CREB5: variants seen among roughly 807,000 people sequenced by gnomAD.
CREB5 encodes the protein cyclic AMP-responsive element-binding protein 5.
Under a neutral mutation model 57.1 loss-of-function variants are expected in CREB5, and 19 were observed. The ratio of observed to expected loss-of-function variants is 0.33; its 90% CI spans 0.23 to 0.49. CREB5 has a LOEUF of 0.49. CREB5 is among the 20% of genes least tolerant of loss of function. The pLI, the probability that CREB5 is intolerant of heterozygous loss-of-function variation, is 0.99. For missense variants in CREB5, 579 were observed against 671.6 expected, an observed-to-expected ratio of 0.86 and a Z score of 1.52; for synonymous variants, 238 against 238.3, an observed-to-expected ratio of 1.00 and a Z score of 0.01.
At chr7:28,338,286 C>G (rs1000220344) in intron 1 of CREB5, among the ~76,000 whole-genome samples, 1 of 152,076 alleles carries the variant, frequency 6.6e-6, no homozygotes, top group Non-Finnish European at 1.5e-5. Context: ...CTCCCTTTAG[C>G]GTTTCTTGTA....
intron 5 of CREB5, among the ~76,000 whole-genome samples, chr7:28,705,485 A>G (rs1433952390): frequency 1.3e-5 from 2 of 152,072 alleles, no homozygotes; most frequent in African/African-American, 4.8e-5. Context: ...CATGTTCTTT[A>G]AGTGTACTGT....
At chr7:28,387,983 G>A (rs1346834707) in intron 1 of CREB5, among the ~76,000 whole-genome samples, 1 of 152,110 alleles carries the variant, frequency 6.6e-6, no homozygotes. Flanking sequence ...TTCAGCTGTT[G>A]TTTTTGCTGA....
At chr7:28,386,005 C>A (rs1352753141) in intron 1 of CREB5, among the ~76,000 whole-genome samples, 1 of 152,174 alleles carries the variant, frequency 6.6e-6, no homozygotes, top group African/African-American at 2.4e-5. Flanking sequence ...CCAGTCTAAT[C>A]ACTTTCCTCC....
intron 2 of CREB5, among the ~76,000 whole-genome samples, chr7:28,489,321 A>G (rs1791701057): frequency 1.3e-5 from 1 of 74,896 alleles, no homozygotes; most frequent in Non-Finnish European, 2.3e-5. Flanking sequence ...TTTTTTTGAG[A>G]CGGAGTCTCG....
At position 28,600,087 on chromosome 7, in the gene CREB5, C is replaced by T. The variant is rs908135493; in HGVS notation, c.464+29550C>T. Among the ~76,000 whole-genome samples the T allele has an allele frequency of 7.2e-5, 11 of 152,146 alleles. No homozygotes were observed. The East Asian group carries it at 7.7e-4, about 11-fold the overall frequency. ...ATTGTGGGGATTCCTGCTTCCCCAC[C>T]GCCTTTCTTCCCACCTTCAATTCAG... is the stretch of plus-strand genomic sequence containing the variant. On this transcript the variant is annotated intron_variant, in intron 5 of 10. Transcript: ENST00000357727.
At chr7:28,452,559 C>A (rs1789875195) in intron 1 of CREB5, among the ~76,000 whole-genome samples, 1 of 152,140 alleles carries the variant, frequency 6.6e-6, no homozygotes, top group African/African-American at 2.4e-5. Flanking sequence ...ATTAGGGGAT[C>A]CAGCTGAGGA....
chr7:28,566,060 T>A (rs1795460125), intron 4 of CREB5, among the ~76,000 whole-genome samples: 3 of 152,228 alleles, frequency 2.0e-5, no homozygotes, highest in Non-Finnish European at 4.4e-5. Context: ...GCTCTTCCTG[T>A]GATATATTTT....
chr7:28,380,321 A>G (rs1488786604), intron 1 of CREB5, among the ~76,000 whole-genome samples: 1 of 152,132 alleles, frequency 6.6e-6, no homozygotes, highest in Non-Finnish European at 1.5e-5. Flanking sequence ...GCACACTACT[A>G]TGCTATCCTT....
chr7:28,477,907 G>A (rs1363519724), intron 1 of CREB5, among the ~76,000 whole-genome samples: 1 of 152,144 alleles, frequency 6.6e-6, no homozygotes, highest in East Asian at 1.9e-4. Context: ...TTGAGCCCGG[G>A]AGTTTGAGAC....
intron 5 of CREB5, among the ~76,000 whole-genome samples, chr7:28,598,286 C>T (rs915924678): frequency 1.3e-5 from 2 of 152,150 alleles, no homozygotes; most frequent in African/African-American, 4.8e-5. Context: ...TGCTTTTTCA[C>T]CTTCCGCCAT....
chr7:28,577,519 A>C (rs976147802), intron 5 of CREB5, among the ~76,000 whole-genome samples: 3 of 152,222 alleles, frequency 2.0e-5, no homozygotes, highest in African/African-American at 7.2e-5. Flanking sequence ...CTAGTTTGGC[A>C]TGCATGATTC....
Position 28,446,088 on chromosome 7 carries a change from C to T in CREB5, c.3+33171C>T, listed in dbSNP as rs181609055. 1.3e-3 allele frequency among the ~76,000 whole-genome samples: 196 copies of T among 152,344 alleles called. 1 individual carries two copies. The highest frequency in any genetic ancestry group is 0.012 in the Admixed American group (182 of 15,298). Reference sequence around the variant, plus strand: ...ACTATACCAGACACCAGAAAATACACGTGACTCCAAGGGAATCTTCAGGCA... The same window carrying T: ...ACTATACCAGACACCAGAAAATACATGTGACTCCAAGGGAATCTTCAGGCA... On this transcript the variant is annotated intron_variant, in intron 1 of 10. Coordinates refer to ENST00000357727, the MANE Select transcript of CREB5 (RefSeq NM_182898.4).
intron 1 of CREB5, among the ~76,000 whole-genome samples, chr7:28,451,709 G>A (rs1270686018): frequency 6.6e-6 from 1 of 152,040 alleles, no homozygotes; most frequent in Non-Finnish European, 1.5e-5. Flanking sequence ...AAGTATGGCG[G>A]TCCTACAGGA....
At chr7:28,677,953 G>A (rs1206503694) in intron 5 of CREB5, among the ~76,000 whole-genome samples, 2 of 152,184 alleles carry the variant, frequency 1.3e-5, no homozygotes, top group Admixed American at 1.3e-4. Context: ...CCCAGACAGT[G>A]CATGAATCTC....
At chr7:28,320,715 T>C (rs6973453) in intron 1 of CREB5, among the ~76,000 whole-genome samples, 74,019 of 152,096 alleles carry the variant, frequency 0.49, 18,576 homozygotes, top group African/African-American at 0.57. Context: ...GCATTTTAAA[T>C]ATTAGAAGAA....
intron 5 of CREB5, among the ~76,000 whole-genome samples, chr7:28,694,324 G>T (rs189660012): frequency 6.6e-6 from 1 of 152,114 alleles, no homozygotes; most frequent in Admixed American, 6.5e-5. Context: ...GCTCTCACCA[G>T]CATCCACCCT....
intron 4 of CREB5, among the ~76,000 whole-genome samples, chr7:28,522,169 T>C (rs530050244): frequency 2.6e-5 from 4 of 152,316 alleles, no homozygotes; most frequent in African/African-American, 9.6e-5. Context: ...GTCATGAAGC[T>C]AGTAAGTTGC....
chr7:28,594,741 T>C (rs968330418), intron 5 of CREB5, among the ~76,000 whole-genome samples: 3 of 152,204 alleles, frequency 2.0e-5, no homozygotes, highest in Admixed American at 2.0e-4. Context: ...TGAATAGTTT[T>C]CATATTAGAC....
chr7:28,814,087 A>G (rs1042687439), intron 9 of CREB5, among the ~76,000 whole-genome samples: 4 of 152,226 alleles, frequency 2.6e-5, no homozygotes, highest in Non-Finnish European at 5.9e-5. Context: ...TTATTTCCCT[A>G]CTAGACTTCC....
Sources: allele counts gnomAD v4.1 joint callset (sites outside exome capture counted in the v4.1 genomes callset), GRCh38; gene constraint gnomAD v4.1.1; transcripts MANE v1.5; gene names NCBI Gene and HGNC (gene_info 2026-07-23, HGNC 2026-07-21).